Variants in NMBR observed in about 807,000 individuals in gnomAD.
NMBR encodes neuromedin-B receptor.
In NMBR, 16 loss-of-function variants were observed where a neutral mutation model predicts 20.5. The ratio of observed to expected loss-of-function variants is 0.78; its 90% CI spans 0.53 to 1.19. The LOEUF is 1.19. Among genes scored for constraint, NMBR ranks in the 50% most tolerant of loss-of-function variants. The pLI, the probability that NMBR is intolerant of heterozygous loss-of-function variation, is 0.00. For synonymous variants in NMBR, 212 were observed against 196.6 expected (o/e 1.08, Z -0.65); for missense variants, 582 against 499.1 (o/e 1.17, Z -1.58).
intron 1 of NMBR, among the ~76,000 whole-genome samples, chr6:142,117,918 T>C (rs952454493): frequency 3.2e-4 from 49 of 152,128 alleles, no homozygotes; most frequent in African/African-American, 1.1e-3. Flanking sequence ...TGATGACTTA[T>C]ATAATTTATA....
chr6:142,143,975 T>G (rs929057882), intron 1 of NMBR, among the ~76,000 whole-genome samples: 4 of 152,226 alleles, frequency 2.6e-5, no homozygotes, highest in African/African-American at 9.6e-5. Flanking sequence ...AATTCACATT[T>G]GTGAATACAT....
chr6:142,125,521 T>TACATGTGCATGCATATACACA (rs1554215499), intron 1 of NMBR, among the ~76,000 whole-genome samples: 3 of 70,502 alleles, frequency 4.3e-5, no homozygotes, highest in African/African-American at 9.4e-5. Flanking sequence ...ACATACACAA[T>TACATGTGCATGCATATACACA]TACTCATGCT....
chr6:142,130,411 G>C (rs77481331), intron 1 of NMBR, among the ~76,000 whole-genome samples: 1 of 151,822 alleles, frequency 6.6e-6, no homozygotes, highest in Non-Finnish European at 1.5e-5. Flanking sequence ...AATGTCCTTT[G>C]ATTAGACTTT....
chr6:142,106,559 T>C (rs1474149066), intron 1 of NMBR, among the ~76,000 whole-genome samples: 1 of 152,200 alleles, frequency 6.6e-6, no homozygotes, highest in Non-Finnish European at 1.5e-5. Flanking sequence ...AAGCAATTCT[T>C]ACAGCTTTTA....
chr6:142,134,621 T>G, intron 1 of NMBR: 1 of 681,658 alleles, frequency 1.5e-6, no homozygotes, highest in Non-Finnish European at 2.6e-6. Flanking sequence ...CAAGAATGCA[T>G]TCTTCAAAAG....
chr6:142,078,416 C>T, intron 3 of NMBR, 139 bp downstream of exon 3: 2 of 593,118 alleles, frequency 3.4e-6, no homozygotes, highest in Non-Finnish European at 6.0e-6. Flanking sequence ...GAGATCCCCA[C>T]ATATCCCTTC....
chr6:142,080,605 A>G (rs1777075186), intron 2 of NMBR, among the ~76,000 whole-genome samples: 1 of 152,148 alleles, frequency 6.6e-6, no homozygotes, highest in Admixed American at 6.6e-5. Flanking sequence ...GAGCTACTGC[A>G]GCCAGCTCTT....
intron 1 of NMBR, among the ~76,000 whole-genome samples, chr6:142,092,822 C>G (rs1777355791): frequency 6.6e-6 from 1 of 152,130 alleles, no homozygotes; most frequent in African/African-American, 2.4e-5. Flanking sequence ...TCTGGAGATT[C>G]ACAGAATTTC....
At chr6:142,127,504 T>G (rs995899094) in intron 1 of NMBR, among the ~76,000 whole-genome samples, 2 of 152,038 alleles carry the variant, frequency 1.3e-5, no homozygotes, top group Non-Finnish European at 2.9e-5. Context: ...TTTAGGATTG[T>G]TTTTTCTATT....
chr6:142,075,816 G>A lies in NMBR; in HGVS notation c.1005C>T (p.Phe335=), dbSNP rs1165624521. ...YLLSESFRRH[F]NSQLCCGRKS... is the part of the protein sequence containing the mutation. ...TCCTCCCACAGCAGAGTTGGCTGTT[G>A]AAATGCCTCCTGAAGCTTTCACTGA... Residue 335 remains phenylalanine, a synonymous_variant, in exon 4 of 4, where the codon TTC becomes TTT. Coordinates refer to ENST00000258042, the MANE Select transcript of NMBR (RefSeq NM_002511.4). 2 of 1,614,072 alleles carry A rather than the reference G, an allele frequency of 1.2e-6. No homozygotes were observed. The highest frequency in any genetic ancestry group is 1.1e-5 in the South Asian group (1 of 91,076).
chr6:142,145,287 AT>A (rs910266078), intron 1 of NMBR, among the ~76,000 whole-genome samples: 25 of 152,120 alleles, frequency 1.6e-4, no homozygotes, highest in African/African-American at 6.0e-4. Flanking sequence ...GAAGAGGAAC[AT>A]TTGTTTCTCA....
intron 1 of NMBR, among the ~76,000 whole-genome samples, chr6:142,099,249 T>A (rs1234009509): frequency 1.3e-5 from 2 of 152,204 alleles, no homozygotes; most frequent in Admixed American, 6.5e-5. Context: ...ACTTGTGTAT[T>A]CGTTCGTTTT....
At chr6:142,105,688 T>C (rs749347524) in intron 1 of NMBR, among the ~76,000 whole-genome samples, 4 of 152,160 alleles carry the variant, frequency 2.6e-5, no homozygotes, top group Non-Finnish European at 5.9e-5. Context: ...CAGAATTGTT[T>C]CTCTCATATT....
At chr6:142,131,226 A>G (rs1246845671) in intron 1 of NMBR, among the ~76,000 whole-genome samples, 2 of 152,168 alleles carry the variant, frequency 1.3e-5, no homozygotes, top group Non-Finnish European at 2.9e-5. Flanking sequence ...TCCTGTAATG[A>G]AAGTGAAGAC....
At chr6:142,134,767 G>A (rs1482848359) in intron 1 of NMBR, 1 of 690,874 alleles carries the variant, frequency 1.4e-6, no homozygotes, top group East Asian at 2.7e-5. Flanking sequence ...ATCTCTTGGG[G>A]AAAACATGAT....
chr6:142,096,756 A>G (rs1048616512), intron 1 of NMBR, among the ~76,000 whole-genome samples: 2 of 151,922 alleles, frequency 1.3e-5, no homozygotes, highest in Non-Finnish European at 2.9e-5. Context: ...TGATCTGTCT[A>G]ATGTTGACAG....
chr6:142,121,173 T>G (rs79341914), intron 1 of NMBR, among the ~76,000 whole-genome samples: 2,000 of 152,060 alleles, frequency 0.013, 55 homozygotes, highest in African/African-American at 0.045. Flanking sequence ...ATGGTGACTT[T>G]CATTGACAAA....
chr6:142,134,683 G>A (rs757957592), intron 1 of NMBR: 25 of 695,418 alleles, frequency 3.6e-5, no homozygotes, highest in South Asian at 3.5e-4. Flanking sequence ...AATTAGTCTA[G>A]CGGCAATAGC....
chr6:142,103,006 T>TCAAAG (rs1242263192), intron 1 of NMBR, among the ~76,000 whole-genome samples: 1 of 152,176 alleles, frequency 6.6e-6, no homozygotes, highest in Non-Finnish European at 1.5e-5. Context: ...GGGAGGAACT[T>TCAAAG]CCTTGGTTAG....
Sources: gnomAD v4.1 joint callset for allele counts (sites outside exome capture counted in the v4.1 genomes callset) on GRCh38, gnomAD v4.1.1 for gene constraint, MANE v1.5 for transcripts, NCBI Gene and HGNC (gene_info 2026-07-23, HGNC 2026-07-21) for gene names.